The following CFAP161 variants were observed in gnomAD, a reference collection of about 807,000 sequenced individuals.
CFAP161 encodes cilia- and flagella-associated protein 161.
In CFAP161, 25 loss-of-function variants were observed where a neutral mutation model predicts 29.0. That is an observed-to-expected ratio of 0.86 (90% CI 0.63 to 1.20). The LOEUF (loss-of-function observed/expected upper bound fraction) is 1.20. Ranked by LOEUF, CFAP161 falls within the 50% of genes most tolerant of loss-of-function variation. The pLI is 0.00. For synonymous variants in CFAP161, 116 were observed against 137.4 expected, an observed-to-expected ratio of 0.84 and a Z score of 1.09; for missense variants, 367 against 371.9, an observed-to-expected ratio of 0.99 and a Z score of 0.11.
chr15:81,123,851 G>A (rs2460851), intron 1 of CFAP161, among the ~76,000 whole-genome samples: 86,835 of 151,958 alleles, frequency 0.57, 26,071 homozygotes, highest in Non-Finnish European at 0.68. Flanking sequence ...ACTGTTGTTG[G>A]TATATAGGAA....
At chr15:81,142,612 T>C (rs558356779) in intron 4 of CFAP161, among the ~76,000 whole-genome samples, 1 of 152,280 alleles carries the variant, frequency 6.6e-6, no homozygotes, top group Non-Finnish European at 1.5e-5. Context: ...GTGCTTCCCA[T>C]TTTTGTGCTC....
At chr15:81,118,215 G>A (rs887842703) in intron 1 of CFAP161, 46 of 491,444 alleles carry the variant, frequency 9.4e-5, no homozygotes, top group Non-Finnish European at 1.7e-4. Context: ...GCAGCTTGGG[G>A]AGATTTGAAA....
chr15:81,109,433 C>T (rs1337766889), intron 1 of CFAP161, among the ~76,000 whole-genome samples: 2 of 152,212 alleles, frequency 1.3e-5, no homozygotes, highest in African/African-American at 4.8e-5. Flanking sequence ...CTGAGCTGGG[C>T]ACAATGGTTT....
upstream of CFAP161, among the ~76,000 whole-genome samples, chr15:81,133,221 A>ATATATATG (rs1555449897): frequency 1.8e-3 from 59 of 32,482 alleles, 3 homozygotes; most frequent in East Asian, 3.2e-3. Flanking sequence ...ATATATATAT[A>ATATATATG]TATGTATTTT....
At chr15:81,147,299 C>T (rs189674365) in intron 5 of CFAP161, among the ~76,000 whole-genome samples, 9 of 152,164 alleles carry the variant, frequency 5.9e-5, no homozygotes, top group Admixed American at 4.6e-4. Context: ...CCCCAGTACC[C>T]GCTCTTTTCA....
At chr15:81,134,913 C>G (rs1595916802) in intron 1 of CFAP161, among the ~76,000 whole-genome samples, 1 of 152,266 alleles carries the variant, frequency 6.6e-6, no homozygotes, top group Non-Finnish European at 1.5e-5. Context: ...TTGAGCCATT[C>G]GTATACGGGT....
At chr15:81,137,008 T>C (rs1894822369) in intron 3 of CFAP161, among the ~76,000 whole-genome samples, 2 of 152,204 alleles carry the variant, frequency 1.3e-5, no homozygotes, top group Non-Finnish European at 2.9e-5. Flanking sequence ...TAAATCCATA[T>C]TCTGCCTGGA....
Position 81,143,820 on chromosome 15 carries a change from G to C in CFAP161, c.636G>C (p.Pro212=), listed in dbSNP as rs200582801. 3 of 1,613,650 alleles carry C rather than the reference G, an allele frequency of 1.9e-6. No homozygotes were observed. The African/African-American group carries it at 4.0e-5, about 22-fold the overall frequency. The part of the protein sequence containing the change: ...LRLEYEGFPV[P]ANAKILINHC... The stretch of plus-strand genomic sequence containing the variant: ...TGGAATATGAAGGCTTCCCCGTCCC[G>C]GTGAGTGCAGCATCGGGAAGACATG... The change falls in exon 5 of 7, where the codon CCG becomes CCC. Residue 212 remains proline (P), a splice_region_variant and synonymous_variant. Transcript: ENST00000286732.
intron 1 of CFAP161, among the ~76,000 whole-genome samples, chr15:81,125,038 ATTAT>A (rs1298091612): frequency 6.6e-6 from 1 of 151,776 alleles, no homozygotes; most frequent in Non-Finnish European, 1.5e-5. Context: ...CAGAGTATCT[ATTAT>A]TTATTTAACA....
intron 1 of CFAP161, among the ~76,000 whole-genome samples, chr15:81,099,721 G>A (rs933531819): frequency 2.0e-5 from 3 of 152,306 alleles, no homozygotes; most frequent in South Asian, 2.1e-4. Context: ...CAGGAAGGAA[G>A]TCCCATCCCT....
At chr15:81,138,415 C>T (rs1894849556) in intron 4 of CFAP161, among the ~76,000 whole-genome samples, 1 of 152,244 alleles carries the variant, frequency 6.6e-6, no homozygotes, top group Admixed American at 6.5e-5. Flanking sequence ...GTTTATACCA[C>T]TTCCACCTGT....
At position 81,134,300 on chromosome 15, in the gene CFAP161, G is replaced by A; in HGVS notation, c.-30G>A. 1 of 1,569,802 alleles carries A rather than the reference G, an allele frequency of 6.4e-7. No individual in the cohort carries two copies. Among genetic ancestry groups the A allele is most frequent in the South Asian group, 1.2e-5 (1 of 85,312 alleles). ...GCCACGCTAACGCATGGTGTCGGAGGGAGGCCCACTTGCTGAACAGCAGGG... is the reference window on the plus strand; with the variant it reads ...GCCACGCTAACGCATGGTGTCGGAGAGAGGCCCACTTGCTGAACAGCAGGG... On this transcript the variant is annotated 5_prime_UTR_variant, in exon 1 of 7. Transcript: ENST00000286732.
At chr15:81,116,639 T>C (rs1894502330) in intron 1 of CFAP161, among the ~76,000 whole-genome samples, 1 of 152,192 alleles carries the variant, frequency 6.6e-6, no homozygotes, top group African/African-American at 2.4e-5. Flanking sequence ...GTTTATGGTG[T>C]GAAAACATCA....
At chr15:81,137,741 G>T (rs1026648326) in intron 3 of CFAP161, among the ~76,000 whole-genome samples, 4 of 152,214 alleles carry the variant, frequency 2.6e-5, no homozygotes, top group Non-Finnish European at 4.4e-5. Flanking sequence ...CTCTGAACAT[G>T]TCAATGCACT....
upstream of CFAP161, among the ~76,000 whole-genome samples, chr15:81,134,088 C>T (rs1349188062): frequency 2.0e-5 from 3 of 152,202 alleles, no homozygotes; most frequent in African/African-American, 4.8e-5. Context: ...CAGGGTTTTC[C>T]CTCTCGCCCA....
intron 1 of CFAP161, among the ~76,000 whole-genome samples, chr15:81,121,744 G>A (rs979879550): frequency 1.4e-4 from 22 of 152,002 alleles, no homozygotes; most frequent in African/African-American, 4.6e-4. Flanking sequence ...GTACATGTGC[G>A]GGATGTGCAG....
chr15:81,115,827 T>A (rs1000924461), intron 1 of CFAP161, among the ~76,000 whole-genome samples: 11 of 151,052 alleles, frequency 7.3e-5, no homozygotes, highest in African/African-American at 2.7e-4. Flanking sequence ...CTACAGCAGG[T>A]ACCACTGTGC....
chr15:81,114,765 G>A (rs933693995), intron 1 of CFAP161, among the ~76,000 whole-genome samples: 20 of 152,088 alleles, frequency 1.3e-4, no homozygotes, highest in African/African-American at 4.1e-4. Context: ...CCGGGTTCAC[G>A]TCATTCTCCT....
chr15:81,138,486 G>T (rs1347315133), intron 4 of CFAP161, among the ~76,000 whole-genome samples: 18 of 152,182 alleles, frequency 1.2e-4, no homozygotes, highest in Admixed American at 9.2e-4. Flanking sequence ...GCCAATGCTA[G>T]CAAGGCATAT....
Sources: gnomAD v4.1 joint callset for allele counts (sites outside exome capture counted in the v4.1 genomes callset) on GRCh38, gnomAD v4.1.1 for gene constraint, MANE v1.5 for transcripts, NCBI Gene and HGNC (gene_info 2026-07-23, HGNC 2026-07-21) for gene names.